Variants in TBCA observed in about 807,000 individuals in gnomAD.
The protein encoded by TBCA is tubulin-specific chaperone A.
Under a neutral mutation model 15.8 loss-of-function variants are expected in TBCA, and 6 were observed. The ratio of observed to expected loss-of-function variants is 0.38; its 90% CI spans 0.21 to 0.75. The LOEUF (loss-of-function observed/expected upper bound fraction) is 0.75. Among genes scored for constraint, TBCA ranks in the 30% least tolerant of loss-of-function variants. TBCA has a pLI of 0.46. For missense variants in TBCA, 90 were observed against 131.2 expected (o/e 0.69, Z 1.53); for synonymous variants, 32 against 42.3 (o/e 0.76, Z 0.94).
chr5:77,707,259 A>C (rs73768428), intron 2 of TBCA, among the ~76,000 whole-genome samples: 10,838 of 152,200 alleles, frequency 0.071, 539 homozygotes, highest in African/African-American at 0.14. Context: ...GAATATGAGA[A>C]AGTTCCCTAA....
intron 1 of TBCA, among the ~76,000 whole-genome samples, chr5:77,764,191 T>C (rs983165911): frequency 2.0e-5 from 3 of 152,160 alleles, no homozygotes; most frequent in Non-Finnish European, 4.4e-5. Flanking sequence ...CAAATAAAAT[T>C]ATATTTTAAA....
intron 1 of TBCA, among the ~76,000 whole-genome samples, chr5:77,760,845 C>T (rs560519643): frequency 7.4e-4 from 113 of 152,306 alleles, no homozygotes; most frequent in African/African-American, 2.6e-3. Context: ...GCTGCCACCC[C>T]GTCTAGGAAG....
At chr5:77,715,026 G>A (rs1378972415) in intron 1 of TBCA, among the ~76,000 whole-genome samples, 1 of 152,168 alleles carries the variant, frequency 6.6e-6, no homozygotes, top group Non-Finnish European at 1.5e-5. Flanking sequence ...AAAGTGCTAT[G>A]GAGAAAAAGC....
At chr5:77,726,665 C>A (rs965763989) in intron 1 of TBCA, among the ~76,000 whole-genome samples, 1 of 152,024 alleles carries the variant, frequency 6.6e-6, no homozygotes, top group African/African-American at 2.4e-5. Context: ...TTCTTCTTCA[C>A]TTCCCCAGCT....
intron 1 of TBCA, among the ~76,000 whole-genome samples, chr5:77,761,746 T>A (rs1365798269): frequency 6.6e-6 from 1 of 152,168 alleles, no homozygotes; most frequent in East Asian, 1.9e-4. Flanking sequence ...AAGACCTGCT[T>A]GAAGGCTGGC....
intron 1 of TBCA, among the ~76,000 whole-genome samples, chr5:77,718,912 C>G (rs1034550330): frequency 2.0e-5 from 3 of 152,156 alleles, no homozygotes; most frequent in Non-Finnish European, 1.5e-5. Flanking sequence ...ACTCTAACAT[C>G]AATCCTTCCA....
chr5:77,727,393 T>C (rs1746653426), intron 1 of TBCA, among the ~76,000 whole-genome samples: 1 of 151,610 alleles, frequency 6.6e-6, no homozygotes, highest in Non-Finnish European at 1.5e-5. Flanking sequence ...AAACTGATCT[T>C]ACCATCACAT....
intron 1 of TBCA, among the ~76,000 whole-genome samples, chr5:77,719,525 T>G (rs1746481690): frequency 6.6e-6 from 1 of 152,226 alleles, no homozygotes; most frequent in Admixed American, 6.5e-5. Context: ...ATTTGTTACC[T>G]TATAGTTTCT....
chr5:77,773,105 A>G lies in TBCA; in HGVS notation c.53+3100T>C, dbSNP rs183438800. 5.9e-5 allele frequency among the ~76,000 whole-genome samples: 9 copies of G among 152,336 alleles called. No homozygotes were observed. In the East Asian group the frequency reaches 1.7e-3, roughly 29 times the overall value. On this transcript the variant is annotated intron_variant, in intron 1 of 3. Transcript: ENST00000380377. ...ATACTGACTAAAATGACATAACCCAAGCAAGTCTGGTAAAAGTGAACCAGT... is the reference window on the plus strand; with the variant it reads ...ATACTGACTAAAATGACATAACCCAGGCAAGTCTGGTAAAAGTGAACCAGT...
chr5:77,743,422 T>C (rs973807786), intron 1 of TBCA, among the ~76,000 whole-genome samples: 2 of 152,172 alleles, frequency 1.3e-5, no homozygotes, highest in Non-Finnish European at 2.9e-5. Context: ...GAGAGGAAGT[T>C]AGAGAAAGCT....
At chr5:77,704,816 A>G (rs1411422466) in intron 2 of TBCA, among the ~76,000 whole-genome samples, 1 of 152,248 alleles carries the variant, frequency 6.6e-6, no homozygotes, top group African/African-American at 2.4e-5. Flanking sequence ...TAGGTTGACA[A>G]CAGAAGCAAA....
intron 1 of TBCA, among the ~76,000 whole-genome samples, chr5:77,742,681 C>T (rs997149595): frequency 3.3e-5 from 5 of 152,022 alleles, no homozygotes; most frequent in Non-Finnish European, 4.4e-5. Context: ...AATACAATTC[C>T]GAAGGCTATA....
intron 1 of TBCA, among the ~76,000 whole-genome samples, chr5:77,749,264 AACAAGAGGTGGCT>A (rs1485077528): frequency 6.6e-6 from 1 of 152,244 alleles, no homozygotes; most frequent in Non-Finnish European, 1.5e-5. Flanking sequence ...TCACAACAGC[AACAAGAGGTGGCT>A]ACAAAATTAT....
At chr5:77,767,279 G>T (rs76407867) in intron 1 of TBCA, among the ~76,000 whole-genome samples, 1 of 151,986 alleles carries the variant, frequency 6.6e-6, no homozygotes, top group Non-Finnish European at 1.5e-5. Context: ...CAAACAAACC[G>T]AGTTAGAATA....
chr5:77,755,041 T>A (rs1481320667), intron 1 of TBCA, among the ~76,000 whole-genome samples: 1 of 152,202 alleles, frequency 6.6e-6, no homozygotes, highest in African/African-American at 2.4e-5. Context: ...AAAACAAAGT[T>A]CTACAGCTTT....
chr5:77,751,832 TG>T (rs1254532140), intron 1 of TBCA, among the ~76,000 whole-genome samples: 1 of 152,172 alleles, frequency 6.6e-6, no homozygotes, highest in Non-Finnish European at 1.5e-5. Context: ...ATGAATAATT[TG>T]GTGGGTGGGA....
At chr5:77,763,587 T>C (rs947418521) in intron 1 of TBCA, among the ~76,000 whole-genome samples, 1 of 152,126 alleles carries the variant, frequency 6.6e-6, no homozygotes, top group Non-Finnish European at 1.5e-5. Context: ...GGTGGAGCCC[T>C]CATGAATGAG....
At chr5:77,750,193 C>A (rs1580126821) in intron 1 of TBCA, among the ~76,000 whole-genome samples, 1 of 147,970 alleles carries the variant, frequency 6.8e-6, no homozygotes, top group African/African-American at 2.4e-5. Flanking sequence ...AATACATATA[C>A]ACACACACAT....
chr5:77,768,465 T>C (rs1747835367), intron 1 of TBCA, among the ~76,000 whole-genome samples: 1 of 152,194 alleles, frequency 6.6e-6, no homozygotes, highest in Admixed American at 6.5e-5. Context: ...ACTGCAAGAA[T>C]AAATAACTAT....
Sources: allele counts gnomAD v4.1 joint callset (sites outside exome capture counted in the v4.1 genomes callset), GRCh38; gene constraint gnomAD v4.1.1; transcripts MANE v1.5; gene names NCBI Gene and HGNC (gene_info 2026-07-23, HGNC 2026-07-21).